Variants in UNC80 observed in about 807,000 individuals in gnomAD.
The protein encoded by UNC80 is unc-80 subunit of NALCN channel complex.
In UNC80, 164 loss-of-function variants were observed where a neutral mutation model predicts 384.6. The observed-to-expected ratio is 0.43, with a 90% confidence interval of 0.38 to 0.49. The LOEUF is 0.49. UNC80 is among the 20% of genes least tolerant of loss of function. UNC80 has a pLI of 0.00. For missense variants in UNC80, 3,330 were observed against 4,143.0 expected, an observed-to-expected ratio of 0.80 and a Z score of 5.39; for synonymous variants, 1,486 against 1,527.8, an observed-to-expected ratio of 0.97 and a Z score of 0.64.
In UNC80 at chr2:209,877,950, T is replaced by A; in HGVS notation, c.3841-4T>A. The A allele has an allele frequency of 6.6e-7, 1 of 1,524,734 alleles. No individual in the cohort carries two copies. Among genetic ancestry groups the A allele is most frequent in the Non-Finnish European group, 8.8e-7 (1 of 1,136,714 alleles). 94.5% of individuals were successfully genotyped at this position (1,524,734 alleles called of 1,614,324 possible). A position where few individuals can be genotyped will look rare whatever the true frequency, so the allele number is the denominator to read the frequency against. ...CTGTTTCATTGTTTTCCTTCCCATT[T>A]TAGGCAATTGGCGTCCGATTGAATG... On this transcript the variant is annotated splice_region_variant and splice_polypyrimidine_tract_variant and intron_variant, in intron 23 of 64. Coordinates refer to ENST00000673920, the MANE Select transcript of UNC80 (RefSeq NM_001371986.1).
intron 20 of UNC80, among the ~76,000 whole-genome samples, chr2:209,841,601 C>T (rs575481614): frequency 3.9e-5 from 6 of 152,226 alleles, no homozygotes; most frequent in South Asian, 2.1e-4. Flanking sequence ...CCACCTGCCT[C>T]GGCCTCCCAA....
chr2:209,912,411 A>G (rs1463597144), intron 29 of UNC80, 149 bp from the exon 30 acceptor site: 5 of 460,638 alleles, frequency 1.1e-5, no homozygotes, highest in Non-Finnish European at 1.9e-5. Context: ...AACTGCTTTT[A>G]TAAATTTTAG....
chr2:209,879,876 C>A (rs1460580352), intron 24 of UNC80, among the ~76,000 whole-genome samples: 1 of 151,772 alleles, frequency 6.6e-6, no homozygotes, highest in African/African-American at 2.4e-5. Flanking sequence ...CTGAAAAAAA[C>A]GATAGCTTAA....
chr2:209,844,477 T>TTCCC (rs2082017051), intron 21 of UNC80, among the ~76,000 whole-genome samples: 2 of 63,512 alleles, frequency 3.1e-5, no homozygotes, highest in Non-Finnish European at 6.2e-5. Flanking sequence ...CTTTCTTTCT[T>TTCCC]TCCTTCCTTC....
At chr2:209,981,567 C>G (rs2093157759) in intron 59 of UNC80, among the ~76,000 whole-genome samples, 1 of 148,378 alleles carries the variant, frequency 6.7e-6, no homozygotes, top group South Asian at 2.2e-4. Flanking sequence ...ACAGAGCGAG[C>G]CTCTGTCTCA....
chr2:209,856,143 T>C (rs2082898989), intron 22 of UNC80, among the ~76,000 whole-genome samples: 1 of 152,106 alleles, frequency 6.6e-6, no homozygotes, highest in Non-Finnish European at 1.5e-5. Flanking sequence ...TTGTCCAATA[T>C]TTTTATTTTT....
chr2:209,904,901 T>G lies in UNC80; in HGVS notation c.4718T>G (p.Val1573Gly), dbSNP rs2087990846. 1 of 1,551,644 alleles carries G rather than the reference T, an allele frequency of 6.4e-7. No homozygotes were observed. The highest frequency in any genetic ancestry group is 2.0e-5 in the Admixed American group (1 of 50,988). ...RAIKLLYGDSVDSLRESSNIS... is the reference protein window; with the variant it reads ...RAIKLLYGDSGDSLRESSNIS... ...ATCAAGCTACTCTATGGAGACAGTG[T>G]GGACTCCCTGAGGGAAAGCAGCAAC... The change falls in exon 29 of 65, where the codon GTG becomes GGG. Residue 1573 changes from valine (V) to glycine (G), a missense_variant. By Grantham distance (109) the Val-to-Gly change is moderately radical (BLOSUM62 -3). Around this residue, in one of 8 missense-constraint regions of UNC80, gnomAD observed 801 missense variants for 950.8 expected, o/e 0.84. Transcript: ENST00000673920.
chr2:209,978,781 G>C (rs2093077948), intron 59 of UNC80, 73 bp downstream of exon 59: 1 of 1,348,952 alleles, frequency 7.4e-7, no homozygotes, highest in Non-Finnish European at 9.7e-7. Flanking sequence ...AAGGATTACT[G>C]CCCTTCTGAC....
intron 7 of UNC80, chr2:209,808,802 C>A: frequency 8.2e-5 from 2 of 24,530 alleles, no homozygotes; most frequent in South Asian, 2.4e-4. Context: ...GCCTCTGCCA[C>A]CATGCCGCGC....
At chr2:209,937,053 G>T in intron 41 of UNC80, 120 bp downstream of exon 41, 1 of 654,578 alleles carries the variant, frequency 1.5e-6, no homozygotes, top group Non-Finnish European at 2.7e-6. Context: ...GGCCACCTGG[G>T]TCACACCATC....
At chr2:209,938,392 A>G (rs2091388549) in intron 42 of UNC80, among the ~76,000 whole-genome samples, 1 of 152,232 alleles carries the variant, frequency 6.6e-6, no homozygotes, top group South Asian at 2.1e-4. Context: ...ATCAAGGATA[A>G]TAATTTGCCT....
At chr2:209,805,699 T>C (rs1267533384) in intron 7 of UNC80, among the ~76,000 whole-genome samples, 1 of 151,880 alleles carries the variant, frequency 6.6e-6, no homozygotes, top group Non-Finnish European at 1.5e-5. Flanking sequence ...TGGATGCTTT[T>C]ATAACCTAAT....
Position 209,888,134 on chromosome 2 carries a change from G to T in UNC80, c.4150G>T (p.Asp1384Tyr). The T allele has an allele frequency of 6.4e-7, 1 of 1,551,682 alleles. No homozygotes were observed. Among genetic ancestry groups the T allele is most frequent in the Non-Finnish European group, 8.7e-7 (1 of 1,146,996 alleles). ...SCRLRLDPEL[D>Y]RHRYERKISF... The stretch of plus-strand genomic sequence containing the variant: ...CAGACTTCGTTTGGATCCCGAGTTG[G>T]ACCGGCACAGATATGAGAGGAAGAT... The change falls in exon 26 of 65, where the codon GAC becomes TAC. Residue 1384 changes from aspartate to tyrosine, a missense_variant. Around this residue, in one of 8 missense-constraint regions of UNC80, gnomAD observed 801 missense variants for 950.8 expected, o/e 0.84. Coordinates refer to ENST00000673920, the MANE Select transcript of UNC80 (RefSeq NM_001371986.1).
At chr2:209,970,001 T>C in intron 53 of UNC80, 110 bp downstream of exon 53, 4 of 1,386,298 alleles carry the variant, frequency 2.9e-6, no homozygotes, top group Non-Finnish European at 3.9e-6. Flanking sequence ...TATCTGCCCA[T>C]GAAAACAGAC....
chr2:209,873,977 A>ATGTGTG (rs3032480), intron 23 of UNC80, among the ~76,000 whole-genome samples: 8 of 150,256 alleles, frequency 5.3e-5, no homozygotes, highest in East Asian at 2.0e-4. Context: ...ACACGTATGT[A>ATGTGTG]TGTGTGTGTG....
At chr2:209,871,714 C>T (rs2084309345) in intron 22 of UNC80, among the ~76,000 whole-genome samples, 1 of 151,644 alleles carries the variant, frequency 6.6e-6, no homozygotes, top group African/African-American at 2.4e-5. Context: ...CTCATTACTT[C>T]TTTCCTTAAC....
Position 209,967,510 on chromosome 2 carries a change from C to T in UNC80, c.7879C>T (p.Arg2627Trp), listed in dbSNP as rs980882746. ...DTQTMESRGL[R>W]RYIMEMLPIT... is the part of the protein sequence containing the mutation. ...TCAGACAATGGAGAGTCGTGGGCTT[C>T]GGCGCTACATCATGGAGATGCTACC... Residue 2627 changes from arginine (R) to tryptophan (W), a missense_variant, in exon 52 of 65, where the codon CGG becomes TGG. Arg to Trp is a moderately radical substitution (Grantham distance 101). Around this residue, in one of 8 missense-constraint regions of UNC80, gnomAD observed 1,049 missense variants for 1,488.6 expected, o/e 0.70. Coordinates refer to ENST00000673920, the MANE Select transcript of UNC80 (RefSeq NM_001371986.1). 7 of 1,551,592 alleles carry T rather than the reference C, an allele frequency of 4.5e-6. No individual in the cohort carries two copies. The highest frequency in any genetic ancestry group is 2.4e-5 in the East Asian group (1 of 40,924).
chr2:209,941,429 G>A lies in UNC80; in HGVS notation c.6855G>A (p.Val2285=). 6.5e-7 allele frequency: 1 copy of A among 1,547,788 alleles called. No homozygotes were observed. Among genetic ancestry groups the A allele is most frequent in the African/African-American group, 1.4e-5 (1 of 73,096 alleles). The change falls in exon 44 of 65, where the codon GTG becomes GTA. Residue 2285 remains valine, a synonymous_variant. Coordinates refer to ENST00000673920, the MANE Select transcript of UNC80 (RefSeq NM_001371986.1). ...CTGCCACCGTCATCAACACCGCGGT[G>A]CACTTCAACCACCTCTTCTCTCTCA... The part of the protein sequence containing the change: ...QYAATVINTA[V]HFNHLFSLSG...
At chr2:209,791,819 C>CAAAAAA (rs71043949) in intron 6 of UNC80, among the ~76,000 whole-genome samples, 6 of 52,138 alleles carry the variant, frequency 1.2e-4, no homozygotes, top group East Asian at 8.5e-4. Flanking sequence ...GACTCCGTCT[C>CAAAAAA]AAAAAAAAAA....
Sources: allele counts gnomAD v4.1 joint callset (sites outside exome capture counted in the v4.1 genomes callset), GRCh38; gene constraint gnomAD v4.1.1; regional missense constraint gnomAD v4.1.1; transcripts MANE v1.5; gene names NCBI Gene and HGNC (gene_info 2026-07-23, HGNC 2026-07-21).